The following CADPS variants were observed in gnomAD, a reference collection of about 807,000 sequenced individuals.
CADPS encodes the protein calcium dependent secretion activator.
In CADPS, 57 loss-of-function variants were observed where a neutral mutation model predicts 167.3. That is an observed-to-expected ratio of 0.34 (90% CI 0.28 to 0.42). The LOEUF (loss-of-function observed/expected upper bound fraction) is 0.42. Ranked by LOEUF, CADPS falls within the 20% of genes least tolerant of loss-of-function variation. The probability of loss-of-function intolerance (pLI) is 1.00; values close to 1 mark genes in which losing one functional copy is unlikely to be tolerated. For synonymous variants in CADPS, 676 were observed against 635.3 expected (o/e 1.06, Z -0.96); for missense variants, 1,414 against 1,738.1 (o/e 0.81, Z 3.32).
intron 3 of CADPS, among the ~76,000 whole-genome samples, chr3:62,725,408 C>T (rs937856162): frequency 2.0e-5 from 3 of 152,208 alleles, no homozygotes; most frequent in Non-Finnish European, 4.4e-5. Context: ...TAACAATAGT[C>T]TTCAGCCCGG....
chr3:62,732,984 A>G (rs959677232), intron 3 of CADPS, among the ~76,000 whole-genome samples: 4 of 152,186 alleles, frequency 2.6e-5, no homozygotes, highest in African/African-American at 9.7e-5. Context: ...TTGACCTACA[A>G]TAGTCGATGG....
chr3:62,508,372 T>C (rs893667276), intron 17 of CADPS, among the ~76,000 whole-genome samples: 1 of 152,210 alleles, frequency 6.6e-6, no homozygotes, highest in Non-Finnish European at 1.5e-5. Flanking sequence ...ACAGTTTCAT[T>C]GCTAACAAAT....
chr3:62,540,318 G>A (rs1039180397), intron 11 of CADPS, among the ~76,000 whole-genome samples: 1 of 151,762 alleles, frequency 6.6e-6, no homozygotes, highest in Non-Finnish European at 1.5e-5. Flanking sequence ...TTTCTCTGTG[G>A]TCAAGACACA....
chr3:62,598,345 T>A (rs2059214788), intron 6 of CADPS, among the ~76,000 whole-genome samples: 11 of 152,210 alleles, frequency 7.2e-5, no homozygotes, highest in Admixed American at 7.2e-4. Context: ...CCACAGTCAT[T>A]GGATTCTGTG....
intron 24 of CADPS, among the ~76,000 whole-genome samples, chr3:62,468,629 T>C (rs1439262601): frequency 1.3e-5 from 2 of 152,194 alleles, no homozygotes; most frequent in Non-Finnish European, 2.9e-5. Flanking sequence ...GGAAATATGA[T>C]GATTTATGGG....
chr3:62,753,860 C>A lies in CADPS; in HGVS notation c.556-87G>T, dbSNP rs1447468837. 2 of 1,279,904 alleles carry A rather than the reference C, an allele frequency of 1.6e-6. No individual in the cohort carries two copies. Among genetic ancestry groups the A allele is most frequent in the Non-Finnish European group, 2.2e-6 (2 of 928,820 alleles). The allele number at this position is 1,279,904 out of a possible 1,614,324, so 79.3% of individuals were successfully genotyped here. ...TGGGGCTGGACACTGGGCCAGTCCA[C>A]CTCACGTGCATCCCAGGAGGAACCA... On this transcript the variant is annotated intron_variant, in intron 2 of 29. Transcript: ENST00000383710. The surrounding 1 kb of genome is among the most constrained non-coding windows in gnomAD (Gnocchi z 4.6).
intron 3 of CADPS, among the ~76,000 whole-genome samples, chr3:62,720,098 G>A (rs2075459856): frequency 6.6e-6 from 1 of 152,162 alleles, no homozygotes; most frequent in Admixed American, 6.5e-5. Context: ...GGTACTGAGA[G>A]TTTGAACTGT....
chr3:62,722,345 G>A (rs2075986740), intron 3 of CADPS, among the ~76,000 whole-genome samples: 1 of 152,232 alleles, frequency 6.6e-6, no homozygotes, highest in African/African-American at 2.4e-5. Flanking sequence ...CAGGATCCCG[G>A]AAGGGAGCCA....
chr3:62,729,726 T>C (rs1312291973), intron 3 of CADPS, among the ~76,000 whole-genome samples: 1 of 151,906 alleles, frequency 6.6e-6, no homozygotes. Flanking sequence ...ATTGTTGTTG[T>C]TTTCTGCCAA....
chr3:62,476,496 A>G (rs2061346397), intron 23 of CADPS, among the ~76,000 whole-genome samples: 1 of 152,166 alleles, frequency 6.6e-6, no homozygotes, highest in Admixed American at 6.5e-5. Flanking sequence ...AAGGTTGCTT[A>G]ACAGCTACTG....
At chr3:62,770,641 G>A (rs1019504926) in intron 1 of CADPS, among the ~76,000 whole-genome samples, 2 of 152,136 alleles carry the variant, frequency 1.3e-5, no homozygotes, top group African/African-American at 2.4e-5. Flanking sequence ...GATCAGGCTG[G>A]TCTTGAACTC....
At chr3:62,857,433 G>C (rs1180933305) in intron 1 of CADPS, among the ~76,000 whole-genome samples, 3 of 151,936 alleles carry the variant, frequency 2.0e-5, no homozygotes, top group Non-Finnish European at 4.4e-5. Flanking sequence ...AGTACACAAA[G>C]ATGCTTACTG....
chr3:62,635,650 T>G (rs1308808604), intron 6 of CADPS, among the ~76,000 whole-genome samples: 2 of 9,082 alleles, frequency 2.2e-4, no homozygotes, highest in African/African-American at 1.8e-4. Flanking sequence ...TTCTCTGTTT[T>G]TTTTTTTTTT....
At chr3:62,865,420 A>C (rs920052486) in intron 1 of CADPS, among the ~76,000 whole-genome samples, 5 of 151,354 alleles carry the variant, frequency 3.3e-5, no homozygotes. Flanking sequence ...GTTAACTTCT[A>C]ATTATCCCAG....
chr3:62,540,810 T>TA (rs1246494846), intron 11 of CADPS, among the ~76,000 whole-genome samples: 2 of 151,978 alleles, frequency 1.3e-5, no homozygotes, highest in Admixed American at 1.3e-4. Flanking sequence ...GTGTCAAACA[T>TA]AAAAAAATAA....
intron 1 of CADPS, among the ~76,000 whole-genome samples, chr3:62,862,742 A>G (rs1209406706): frequency 6.6e-6 from 1 of 152,228 alleles, no homozygotes; most frequent in South Asian, 2.1e-4. Flanking sequence ...TAAAATAAAG[A>G]TTACATAAAA....
At chr3:62,429,979 G>A (rs2053594062) in intron 28 of CADPS, among the ~76,000 whole-genome samples, 1 of 152,204 alleles carries the variant, frequency 6.6e-6, no homozygotes, top group South Asian at 2.1e-4. Context: ...AGGTTTGCCT[G>A]AAGGTAAGAG....
chr3:62,711,631 G>C (rs2083410407), intron 3 of CADPS, among the ~76,000 whole-genome samples: 1 of 152,210 alleles, frequency 6.6e-6, no homozygotes, highest in South Asian at 2.1e-4. Context: ...GAGATAGGAA[G>C]GCTGAAGTGA....
chr3:62,652,209 C>T (rs947321611), intron 4 of CADPS, among the ~76,000 whole-genome samples: 1 of 152,022 alleles, frequency 6.6e-6, no homozygotes, highest in African/African-American at 2.4e-5. Context: ...AGTCTTTCAT[C>T]CCCAAATTCT....
Sources: allele counts gnomAD v4.1 joint callset (sites outside exome capture counted in the v4.1 genomes callset), GRCh38; gene constraint gnomAD v4.1.1; non-coding constraint Gnocchi (gnomAD v3.1); transcripts MANE v1.5; gene names NCBI Gene and HGNC (gene_info 2026-07-23, HGNC 2026-07-21).